TFB2M: variants seen among roughly 807,000 people sequenced by gnomAD.
TFB2M encodes dimethyladenosine transferase 2, mitochondrial.
In TFB2M, 44 loss-of-function variants were observed where a neutral mutation model predicts 41.3. The observed-to-expected ratio is 1.07, with a 90% CI of 0.84 to 1.37. The LOEUF is 1.37. TFB2M is among the 40% of genes most tolerant of loss of function. TFB2M has a pLI of 0.00. For missense variants in TFB2M, 496 were observed against 490.2 expected (o/e 1.01, Z -0.11); for synonymous variants, 188 against 176.8 (o/e 1.06, Z -0.50).
intron 5 of TFB2M, 148 bp from the exon 6 acceptor site, chr1:246,548,755 TAC>T: frequency 1.6e-6 from 1 of 611,788 alleles, no homozygotes; most frequent in South Asian, 2.6e-5. Context: ...AGCTAAATAA[TAC>T]ACATCTCTCT....
At chr1:246,544,980 T>TG (rs1658965203) in intron 6 of TFB2M, among the ~76,000 whole-genome samples, 2 of 151,990 alleles carry the variant, frequency 1.3e-5, no homozygotes, top group Non-Finnish European at 2.9e-5. Flanking sequence ...TAATTTTTTG[T>TG]ATTTTTAGTA....
chr1:246,565,207 G>A (rs1250589141), intron 1 of TFB2M, among the ~76,000 whole-genome samples: 1 of 152,220 alleles, frequency 6.6e-6, no homozygotes, highest in Non-Finnish European at 1.5e-5. Flanking sequence ...TCCTGCTATG[G>A]TCTATAGGGA....
intron 5 of TFB2M, 105 bp from the exon 6 acceptor site, chr1:246,548,712 T>C: frequency 1.0e-6 from 1 of 983,350 alleles, no homozygotes; most frequent in Non-Finnish European, 1.5e-6. Context: ...AAGAGAATGG[T>C]CAGTCTAATT....
chr1:246,546,753 AT>A (rs1236711184), intron 6 of TFB2M, among the ~76,000 whole-genome samples: 1 of 152,092 alleles, frequency 6.6e-6, no homozygotes, highest in Non-Finnish European at 1.5e-5. Flanking sequence ...ATTGACTAAA[AT>A]TTTTAATCGG....
intron 2 of TFB2M, among the ~76,000 whole-genome samples, chr1:246,563,576 C>G (rs1297900223): frequency 6.6e-6 from 1 of 151,368 alleles, no homozygotes; most frequent in Non-Finnish European, 1.5e-5. Context: ...TGCACTCCAG[C>G]CTGGGTGACA....
chr1:246,565,423 C>A (rs552476585), intron 1 of TFB2M, among the ~76,000 whole-genome samples: 2 of 152,180 alleles, frequency 1.3e-5, no homozygotes, highest in African/African-American at 2.4e-5. Context: ...CAAACAAAGA[C>A]CCGTATCTGG....
intron 6 of TFB2M, among the ~76,000 whole-genome samples, chr1:246,545,087 T>G (rs546074641): frequency 2.0e-5 from 3 of 150,472 alleles, no homozygotes; most frequent in African/African-American, 7.3e-5. Context: ...ATTACAGGCG[T>G]GAGCCACCGT....
Position 246,540,803 on chromosome 1 carries a change from C to T in TFB2M, c.*228G>A, listed in dbSNP as rs1437714123. The T allele has an allele frequency of 1.4e-5, 6 of 414,002 alleles. No individual in the cohort carries two copies. In the South Asian group the frequency reaches 2.7e-4, roughly 19 times the overall value. The allele number at this position is 414,002 out of a possible 1,614,324, so 25.6% of individuals were successfully genotyped here. On this transcript the variant is annotated 3_prime_UTR_variant, in exon 8 of 8. Transcript: ENST00000366514. ...TGAAACAAAACGAATTCAATCTGAT[C>T]AAATCCACAATTAATTGAAGTTTTC...
chr1:246,556,693 G>A lies in TFB2M; in HGVS notation c.585C>T (p.Phe195=), dbSNP rs1659332006. ...ADIPLKVVGM[F]PSRGEKRALW... is the part of the protein sequence containing the mutation. ...GTGCCCTTTTCTCACCTCTACTTGG[G>A]AACATTCCAACTACTTTTAAAGGGA... Residue 195 remains phenylalanine, a synonymous_variant, in exon 4 of 8, where the codon TTC becomes TTT. Transcript: ENST00000366514. The A allele has an allele frequency of 5.1e-6, 8 of 1,574,106 alleles. No homozygotes were observed. Among genetic ancestry groups the A allele is most frequent in the African/African-American group, 4.2e-5 (3 of 72,264 alleles).
intron 7 of TFB2M, among the ~76,000 whole-genome samples, chr1:246,543,045 A>G (rs3124114): frequency 0.24 from 34,580 of 145,146 alleles, 4,575 homozygotes; most frequent in Middle Eastern, 0.43. Flanking sequence ...CCACACTGCA[A>G]TGCAGTGGTG....
At chr1:246,565,182 CTT>C (rs1277053651) in intron 1 of TFB2M, among the ~76,000 whole-genome samples, 1 of 152,226 alleles carries the variant, frequency 6.6e-6, no homozygotes, top group African/African-American at 2.4e-5. Flanking sequence ...GCCTATAAAT[CTT>C]GTGTTCTTAG....
chr1:246,540,798 C>A lies in TFB2M; in HGVS notation c.*233G>T. 2.6e-6 allele frequency: 1 copy of A among 391,132 alleles called. No individual in the cohort carries two copies. Among genetic ancestry groups the A allele is most frequent in the East Asian group, 4.2e-5 (1 of 24,084 alleles). 24.2% of individuals were successfully genotyped at this position (391,132 alleles called of 1,614,324 possible). On this transcript the variant is annotated 3_prime_UTR_variant, in exon 8 of 8. Transcript: ENST00000366514. ...GAATCTGAAACAAAACGAATTCAAT[C>A]TGATCAAATCCACAATTAATTGAAG...
chr1:246,549,338 T>C (rs183591387), intron 5 of TFB2M, among the ~76,000 whole-genome samples: 87 of 152,250 alleles, frequency 5.7e-4, no homozygotes, highest in Admixed American at 2.9e-3. Context: ...TCCCAGCACT[T>C]TGGGAGGCTG....
intron 6 of TFB2M, among the ~76,000 whole-genome samples, 186 bp from the exon 7 acceptor site, chr1:246,544,867 G>A (rs1400663783): frequency 6.6e-5 from 10 of 152,146 alleles, no homozygotes; most frequent in African/African-American, 1.4e-4. Context: ...GTACAACGGC[G>A]TGATCTCCAC....
rs188271539 is a variant in TFB2M at position 246,561,530 on chromosome 1, C to T, written c.402+2816G>A. Among the ~76,000 whole-genome samples the T allele has an allele frequency of 1.4e-3, 216 of 152,174 alleles. 1 individual carries two copies. Among genetic ancestry groups the T allele is most frequent in the African/African-American group, 4.9e-3 (203 of 41,524 alleles). ...TAGCCCAGGCTGGAGTGTAATGGCA[C>T]GATCTCGGCTCACTGCAACCTCCAC... is the stretch of plus-strand genomic sequence containing the variant. On this transcript the variant is annotated intron_variant, in intron 2 of 7. Coordinates refer to ENST00000366514, the MANE Select transcript of TFB2M (RefSeq NM_022366.3).
intron 2 of TFB2M, among the ~76,000 whole-genome samples, chr1:246,558,207 C>T (rs1011325926): frequency 9.5e-5 from 14 of 147,742 alleles, no homozygotes; most frequent in Non-Finnish European, 2.1e-4. Context: ...AGTGCAGTGG[C>T]GCAATCCCAG....
chr1:246,555,316 A>AGTGG (rs1453233732), intron 4 of TFB2M, among the ~76,000 whole-genome samples: 1 of 152,198 alleles, frequency 6.6e-6, no homozygotes, highest in Non-Finnish European at 1.5e-5. Flanking sequence ...GACTGGGTAC[A>AGTGG]GTGGCTCATG....
At chr1:246,545,533 G>C (rs112275414) in intron 6 of TFB2M, among the ~76,000 whole-genome samples, 11 of 151,802 alleles carry the variant, frequency 7.2e-5, no homozygotes, top group South Asian at 4.2e-4. Context: ...AAAAGGGCAG[G>C]CTTGCTTAAT....
chr1:246,547,542 A>G, intron 6 of TFB2M, among the ~76,000 whole-genome samples: 1 of 152,248 alleles, frequency 6.6e-6, no homozygotes, highest in South Asian at 2.1e-4. Flanking sequence ...ACATTGAAAG[A>G]AAACTGATAA....
Sources: gnomAD v4.1 joint callset for allele counts (sites outside exome capture counted in the v4.1 genomes callset) on GRCh38, gnomAD v4.1.1 for gene constraint, MANE v1.5 for transcripts, NCBI Gene and HGNC (gene_info 2026-07-23, HGNC 2026-07-21) for gene names.